Variants in SYT16 observed in about 807,000 individuals in gnomAD.
SYT16 encodes synaptotagmin-16.
SYT16 carries 42 observed loss-of-function variants against 61.4 expected under a neutral mutation model. The observed-to-expected ratio is 0.68, with a 90% CI of 0.53 to 0.89. The LOEUF (loss-of-function observed/expected upper bound fraction) is 0.89, where lower values mean the gene tolerates loss of function less well. SYT16 is among the 40% of genes least tolerant of loss of function. The pLI is 0.00. For synonymous variants in SYT16, 314 were observed against 302.3 expected (o/e 1.04, Z -0.40); for missense variants, 804 against 807.3 (o/e 1.00, Z 0.05).
chr14:61,814,501 C>A (rs977744795), intron 1 of SYT16, among the ~76,000 whole-genome samples: 1 of 152,196 alleles, frequency 6.6e-6, no homozygotes, highest in African/African-American at 2.4e-5. Flanking sequence ...ATTTAGTACC[C>A]TAGAAAAATA....
chr14:61,874,332 G>A (rs1030425775), intron 1 of SYT16, among the ~76,000 whole-genome samples: 3 of 152,202 alleles, frequency 2.0e-5, no homozygotes, highest in East Asian at 1.9e-4. Context: ...CTACCAGACA[G>A]CATTTGCGGG....
At chr14:62,068,425 G>A (rs2056156415) in intron 3 of SYT16, among the ~76,000 whole-genome samples, 1 of 152,104 alleles carries the variant, frequency 6.6e-6, no homozygotes, top group African/African-American at 2.4e-5. Flanking sequence ...GGGGCAGGGG[G>A]CAGGAGTAGG....
chr14:61,999,231 T>G (rs2052892792), intron 3 of SYT16, among the ~76,000 whole-genome samples: 1 of 151,874 alleles, frequency 6.6e-6, no homozygotes, highest in African/African-American at 2.4e-5. Context: ...CTAGAATTTT[T>G]CAGTGAAGCC....
intron 1 of SYT16, among the ~76,000 whole-genome samples, chr14:61,875,479 G>A (rs907604172): frequency 1.2e-4 from 18 of 152,228 alleles, no homozygotes; most frequent in Non-Finnish European, 2.5e-4. Context: ...TGGTTTTCAT[G>A]TGGTTAAAAC....
chr14:61,943,351 A>C (rs1459529086), intron 1 of SYT16, among the ~76,000 whole-genome samples: 1 of 152,252 alleles, frequency 6.6e-6, no homozygotes, highest in African/African-American at 2.4e-5. Flanking sequence ...CGAACAATAG[A>C]AAAAGAAGGA....
intron 1 of SYT16, among the ~76,000 whole-genome samples, chr14:61,915,221 A>C (rs1311662362): frequency 6.6e-6 from 1 of 152,190 alleles, no homozygotes; most frequent in African/African-American, 2.4e-5. Flanking sequence ...TTAGATGAAC[A>C]TGGCTTTAGA....
chr14:61,851,968 A>ATCTTT (rs2046633519), intron 1 of SYT16, among the ~76,000 whole-genome samples: 1 of 152,118 alleles, frequency 6.6e-6, no homozygotes, highest in South Asian at 2.1e-4. Flanking sequence ...TCATCATGAA[A>ATCTTT]TCTTTGCCAA....
intron 3 of SYT16, among the ~76,000 whole-genome samples, chr14:62,033,170 A>G: frequency 6.6e-6 from 1 of 152,128 alleles, no homozygotes; most frequent in East Asian, 1.9e-4. Flanking sequence ...AGGACATCTT[A>G]AAAACCATAG....
chr14:62,069,605 A>G lies in SYT16; in HGVS notation c.526A>G (p.Asn176Asp). Residue 176 changes from asparagine to aspartate, a missense_variant and splice_region_variant, in exon 4 of 8, where the codon AAC (asparagine) becomes GAC (aspartate). Transcript: ENST00000683842. ...LETVNGKKQV[N>D]SFGDDEELST... ...TCATGGCTCTTGTTTACTCCCAGTC[A>G]ACAGCTTTGGGGATGACGAAGAGCT... 6.2e-7 allele frequency: 1 copy of G among 1,613,838 alleles called. No homozygotes were observed. Among genetic ancestry groups the G allele is most frequent in the Non-Finnish European group, 8.5e-7 (1 of 1,179,814 alleles).
chr14:62,080,726 G>A, intron 5 of SYT16, 108 bp from the exon 6 acceptor site: 4 of 1,075,276 alleles, frequency 3.7e-6, no homozygotes, highest in Non-Finnish European at 5.4e-6. Flanking sequence ...GAATACACTG[G>A]CAGTTAGAAA....
intron 1 of SYT16, among the ~76,000 whole-genome samples, chr14:61,841,805 A>G (rs2046308383): frequency 6.6e-6 from 1 of 152,164 alleles, no homozygotes; most frequent in Non-Finnish European, 1.5e-5. Flanking sequence ...TCCTTAAGAT[A>G]ATGGCCTCCA....
intron 1 of SYT16, among the ~76,000 whole-genome samples, chr14:61,953,192 A>C (rs1455330673): frequency 6.6e-6 from 1 of 152,200 alleles, no homozygotes; most frequent in African/African-American, 2.4e-5. Flanking sequence ...AAATGAGTCT[A>C]ATTGTGCAGA....
chr14:62,046,547 G>A (rs1309537093), intron 3 of SYT16, among the ~76,000 whole-genome samples: 1 of 152,154 alleles, frequency 6.6e-6, no homozygotes, highest in Non-Finnish European at 1.5e-5. Context: ...GTCCTGAATG[G>A]TATTGCCTAG....
rs537946345 is a variant in SYT16 at position 61,842,827 on chromosome 14, A to G, written c.-325+30017A>G. 5.3e-4 allele frequency among the ~76,000 whole-genome samples: 81 copies of G among 152,200 alleles called. 1 individual carries two copies. In the East Asian group the frequency reaches 0.015, roughly 28 times the overall value. On this transcript the variant is annotated intron_variant, in intron 1 of 7. Coordinates refer to ENST00000683842, the MANE Select transcript of SYT16 (RefSeq NM_001367656.1). The stretch of plus-strand genomic sequence containing the variant: ...CATTAGGAGATATACCTAATGCTAA[A>G]TGACGAGTTAATGGGTGCAGCACAC...
At chr14:62,022,575 T>C (rs1254240843) in intron 3 of SYT16, among the ~76,000 whole-genome samples, 1 of 152,060 alleles carries the variant, frequency 6.6e-6, no homozygotes, top group Non-Finnish European at 1.5e-5. Flanking sequence ...TCTTCAGATA[T>C]TGCTTCTGCC....
At chr14:61,831,899 C>A in intron 1 of SYT16, 1 of 485,974 alleles carries the variant, frequency 2.1e-6, no homozygotes. Context: ...TCCCACTTGG[C>A]TGGCGAAGCC....
intron 2 of SYT16, among the ~76,000 whole-genome samples, chr14:61,992,657 A>T (rs1566744738): frequency 6.6e-6 from 1 of 151,892 alleles, no homozygotes; most frequent in Non-Finnish European, 1.5e-5. Flanking sequence ...TTTTTTGAGC[A>T]CTTCTCCTCT....
At chr14:62,034,313 C>T (rs760996362) in intron 3 of SYT16, among the ~76,000 whole-genome samples, 5 of 152,122 alleles carry the variant, frequency 3.3e-5, no homozygotes, top group Non-Finnish European at 7.4e-5. Flanking sequence ...ACAGATTAAA[C>T]ATAGAGTTAC....
chr14:62,034,528 GAA>G (rs1459495272), intron 3 of SYT16, among the ~76,000 whole-genome samples: 1 of 151,902 alleles, frequency 6.6e-6, no homozygotes, highest in East Asian at 1.9e-4. Context: ...GCTGTAAAAA[GAA>G]TGAACTACTG....
Sources: allele counts gnomAD v4.1 joint callset (sites outside exome capture counted in the v4.1 genomes callset), GRCh38; gene constraint gnomAD v4.1.1; transcripts MANE v1.5; gene names NCBI Gene and HGNC (gene_info 2026-07-23, HGNC 2026-07-21).